Variants in DNAJC13 observed in about 807,000 individuals in gnomAD.
DNAJC13 encodes the protein dnaJ homolog subfamily C member 13.
In DNAJC13, 75 loss-of-function variants were observed where a neutral mutation model predicts 290.5. That is an observed-to-expected ratio of 0.26 (90% CI 0.21 to 0.31). The LOEUF (loss-of-function observed/expected upper bound fraction) is 0.31, where lower values mean the gene tolerates loss of function less well. DNAJC13 is among the 10% of genes least tolerant of loss of function. The probability of loss-of-function intolerance (pLI) is 1.00; values close to 1 mark genes in which losing one functional copy is unlikely to be tolerated. For missense variants in DNAJC13, 2,260 were observed against 2,674.5 expected (o/e 0.85, Z 3.42); for synonymous variants, 862 against 892.0 (o/e 0.97, Z 0.60).
intron 1 of DNAJC13, among the ~76,000 whole-genome samples, chr3:132,421,577 G>T (rs937600318): frequency 6.6e-6 from 1 of 151,670 alleles, no homozygotes; most frequent in Non-Finnish European, 1.5e-5. Flanking sequence ...GACTACAGGC[G>T]CTTGCCACCA....
chr3:132,465,251 A>T lies in DNAJC13; in HGVS notation c.1893-744A>T, dbSNP rs536393169. On this transcript the variant is annotated intron_variant, in intron 17 of 55. Coordinates refer to ENST00000260818, the MANE Select transcript of DNAJC13 (RefSeq NM_015268.4). ...TATGTTTGTGGGTGGTTATTTGGATATTTCCCTCATAGGTTTCATGACCAT... is the reference window on the plus strand; with the variant it reads ...TATGTTTGTGGGTGGTTATTTGGATTTTTCCCTCATAGGTTTCATGACCAT... Among the ~76,000 whole-genome samples the T allele has an allele frequency of 5.9e-5, 9 of 152,186 alleles. No individual in the cohort carries two copies. In the South Asian group the frequency reaches 1.9e-3, roughly 32 times the overall value.
chr3:132,512,888 G>A, intron 44 of DNAJC13, 120 bp from the exon 45 acceptor site: 1 of 813,718 alleles, frequency 1.2e-6, no homozygotes, highest in Admixed American at 2.2e-5. Flanking sequence ...TGTCACAGAT[G>A]TTTAGAACCA....
chr3:132,513,781 T>C (rs1360570682), intron 45 of DNAJC13, among the ~76,000 whole-genome samples: 1 of 152,156 alleles, frequency 6.6e-6, no homozygotes, highest in Non-Finnish European at 1.5e-5. Flanking sequence ...TAGTCACAAG[T>C]AGTTCTTTGC....
At chr3:132,442,721 A>G (rs1933111511) in intron 2 of DNAJC13, among the ~76,000 whole-genome samples, 1 of 152,236 alleles carries the variant, frequency 6.6e-6, no homozygotes, top group Admixed American at 6.5e-5. Context: ...TTGTATTACA[A>G]TAAGCTTGTG....
chr3:132,435,153 CTG>C (rs144507990), intron 2 of DNAJC13, among the ~76,000 whole-genome samples: 15,800 of 152,142 alleles, frequency 0.1, 1,013 homozygotes, highest in South Asian at 0.17. Flanking sequence ...TGTTTCCTGT[CTG>C]TAAGATGGTT....
At chr3:132,434,683 T>C (rs1939334080) in intron 2 of DNAJC13, 65 bp downstream of exon 2, 2 of 1,360,396 alleles carry the variant, frequency 1.5e-6, no homozygotes, top group South Asian at 2.6e-5. Context: ...TTACTGTGTT[T>C]CATAATCTTG....
In DNAJC13 at chr3:132,507,232, A is replaced by G; in HGVS notation, c.4999-5A>G. The G allele has an allele frequency of 6.4e-7, 1 of 1,574,600 alleles. No individual in the cohort carries two copies. The highest frequency in any genetic ancestry group is 8.7e-7 in the Non-Finnish European group (1 of 1,146,450). On this transcript the variant is annotated splice_polypyrimidine_tract_variant and splice_region_variant and intron_variant, in intron 42 of 55. Coordinates refer to ENST00000260818, the MANE Select transcript of DNAJC13 (RefSeq NM_015268.4). ...TAACAGTCTATTTTTTCATCTTTTA[A>G]AAAGGGTGATTGTGACAAAACTTAT...
chr3:132,484,597 C>G lies in DNAJC13; in HGVS notation c.3192C>G (p.Asp1064Glu). The G allele has an allele frequency of 6.2e-7, 1 of 1,613,974 alleles. No homozygotes were observed. The change falls in exon 29 of 56, where the codon GAC (aspartate) becomes GAG (glutamate). Residue 1064 changes from aspartate (D) to glutamate (E), a missense_variant. Asp to Glu is a conservative substitution (Grantham distance 45). Around this residue, in one of 3 missense-constraint regions of DNAJC13, gnomAD observed 1,494 missense variants for 1,693.7 expected, o/e 0.88. Transcript: ENST00000260818. ...MCGYFPSRDQ[D>E]NAIIRPLPKV... ...AGAAAATGTTTTCTAGGGATCAAGA[C>G]AATGCCATCATTCGGCCTCTACCCA...
intron 43 of DNAJC13, among the ~76,000 whole-genome samples, chr3:132,509,618 T>C (rs1278457209): frequency 6.6e-6 from 1 of 152,186 alleles, no homozygotes; most frequent in Non-Finnish European, 1.5e-5. Context: ...AAGAAATCTT[T>C]CATGAAAGGA....
chr3:132,427,292 C>T (rs796684166), intron 1 of DNAJC13, among the ~76,000 whole-genome samples: 15 of 151,930 alleles, frequency 9.9e-5, no homozygotes, highest in African/African-American at 3.6e-4. Context: ...TGTGCCATGA[C>T]ACCCAGCTAA....
At chr3:132,452,551 A>G (rs1203806952) in intron 6 of DNAJC13, among the ~76,000 whole-genome samples, 2 of 152,186 alleles carry the variant, frequency 1.3e-5, no homozygotes, top group African/African-American at 4.8e-5. Context: ...CTAGACACCA[A>G]ATGCAAGTTC....
At position 132,450,732 on chromosome 3, in the gene DNAJC13, A is replaced by T. The variant is rs149480465; in HGVS notation, c.422A>T (p.Asn141Ile). Residue 141 changes from asparagine (N) to isoleucine (I), a missense_variant, in exon 6 of 56, where the codon AAT becomes ATT. Transcript: ENST00000260818. ...EVTPGGFDQI[N>I]PATNRVLCSY... ...ACTCCAGGAGGCTTTGACCAAATTA[A>T]TCCTGCAACCAACAGAGTACTCTGT... is the stretch of plus-strand genomic sequence containing the variant. 1.7e-4 allele frequency: 280 copies of T among 1,612,966 alleles called. No homozygotes were observed. The highest frequency in any genetic ancestry group is 2.2e-4 in the Non-Finnish European group (265 of 1,179,256).
intron 1 of DNAJC13, among the ~76,000 whole-genome samples, chr3:132,431,298 A>G (rs1939232020): frequency 6.6e-6 from 1 of 152,222 alleles, no homozygotes; most frequent in Admixed American, 6.5e-5. Flanking sequence ...TGAATAATAA[A>G]TTGCACATTA....
At chr3:132,470,944 C>A (rs1389326769) in intron 20 of DNAJC13, among the ~76,000 whole-genome samples, 26 of 120,392 alleles carry the variant, frequency 2.2e-4, no homozygotes, top group South Asian at 6.1e-4. Context: ...AGAGGGGCTC[C>A]TCACTTCCCA....
At chr3:132,532,176 A>T (rs1289213978) in intron 55 of DNAJC13, among the ~76,000 whole-genome samples, 1 of 152,192 alleles carries the variant, frequency 6.6e-6, no homozygotes, top group Non-Finnish European at 1.5e-5. Flanking sequence ...CTAACCAAAG[A>T]TGATAAACTA....
chr3:132,534,839 G>C (rs767330303), intron 55 of DNAJC13, among the ~76,000 whole-genome samples: 1 of 152,300 alleles, frequency 6.6e-6, no homozygotes, highest in Middle Eastern at 3.4e-3. Context: ...CATTGCTTGA[G>C]TTGCCAAATG....
chr3:132,483,053 C>A (rs1054915507), intron 27 of DNAJC13, among the ~76,000 whole-genome samples: 5 of 152,122 alleles, frequency 3.3e-5, no homozygotes, highest in African/African-American at 1.2e-4. Flanking sequence ...AGGCTCATTT[C>A]GAATTGGGCA....
intron 31 of DNAJC13, among the ~76,000 whole-genome samples, chr3:132,490,183 A>G (rs1384169900): frequency 6.6e-6 from 1 of 152,218 alleles, no homozygotes. Flanking sequence ...ATGATAAAAC[A>G]ATGTTTGGGT....
chr3:132,502,860 G>A (rs1258075858), intron 40 of DNAJC13, among the ~76,000 whole-genome samples: 2 of 152,100 alleles, frequency 1.3e-5, no homozygotes, highest in Non-Finnish European at 2.9e-5. Flanking sequence ...TCTCTTCTAT[G>A]TGCTCTCATT....
Sources: gnomAD v4.1 joint callset for allele counts (sites outside exome capture counted in the v4.1 genomes callset) on GRCh38, gnomAD v4.1.1 for gene constraint, gnomAD v4.1.1 regional missense constraint, MANE v1.5 for transcripts, NCBI Gene and HGNC (gene_info 2026-07-23, HGNC 2026-07-21) for gene names.